Variants in ATP10A observed in about 807,000 individuals in gnomAD.
ATP10A encodes the protein phospholipid-transporting ATPase VA.
ATP10A carries 111 observed loss-of-function variants against 147.8 expected under a neutral mutation model. The observed-to-expected ratio is 0.75, with a 90% CI of 0.64 to 0.88. The LOEUF (loss-of-function observed/expected upper bound fraction) is 0.88, where lower values mean the gene tolerates loss of function less well. Ranked by LOEUF, ATP10A falls within the 40% of genes least tolerant of loss-of-function variation. The probability of loss-of-function intolerance (pLI) is 0.00; values close to 1 mark genes in which losing one functional copy is unlikely to be tolerated. For synonymous variants in ATP10A, 875 were observed against 841.6 expected, an observed-to-expected ratio of 1.04 and a Z score of -0.69; for missense variants, 1,927 against 1,959.0, an observed-to-expected ratio of 0.98 and a Z score of 0.31.
chr15:25,723,528 A>G (rs1238989894), intron 6 of ATP10A, among the ~76,000 whole-genome samples: 1 of 151,948 alleles, frequency 6.6e-6, no homozygotes, highest in Non-Finnish European at 1.5e-5. Context: ...TAATTTTAAG[A>G]TTTACAGAAA....
intron 6 of ATP10A, among the ~76,000 whole-genome samples, chr15:25,723,365 G>GA (rs11310812): frequency 1.3e-5 from 2 of 149,590 alleles, no homozygotes; most frequent in Admixed American, 6.6e-5. Flanking sequence ...AAGAAAAAGA[G>GA]AAAAAAAAAA....
intron 2 of ATP10A, among the ~76,000 whole-genome samples, chr15:25,768,787 C>T (rs2140656199): frequency 6.7e-6 from 1 of 150,354 alleles, no homozygotes; most frequent in Admixed American, 6.7e-5. Context: ...CCTTGGCCTC[C>T]CAAAGTGCTG....
intron 1 of ATP10A, among the ~76,000 whole-genome samples, chr15:25,856,490 T>C (rs1893525042): frequency 6.6e-6 from 1 of 152,220 alleles, no homozygotes; most frequent in African/African-American, 2.4e-5. Flanking sequence ...GAGTTAGCGT[T>C]AGATGTTAGT....
intron 1 of ATP10A, among the ~76,000 whole-genome samples, chr15:25,843,116 C>T (rs1203283475): frequency 2.0e-5 from 3 of 152,138 alleles, no homozygotes; most frequent in South Asian, 2.1e-4. Context: ...CAACAGTTGG[C>T]ACGAAATTAA....
At chr15:25,702,837 G>A (rs923624689) in intron 12 of ATP10A, among the ~76,000 whole-genome samples, 2 of 151,510 alleles carry the variant, frequency 1.3e-5, no homozygotes, top group African/African-American at 2.4e-5. Flanking sequence ...CTGCAGCCCT[G>A]GTCCCTAGGT....
intron 1 of ATP10A, among the ~76,000 whole-genome samples, chr15:25,812,866 G>T (rs1891492438): frequency 6.6e-6 from 1 of 152,220 alleles, no homozygotes; most frequent in African/African-American, 2.4e-5. Flanking sequence ...TGCAGTGCAG[G>T]ATTTACTCTT....
chr15:25,843,656 A>T (rs1420617243), intron 1 of ATP10A, among the ~76,000 whole-genome samples: 1 of 152,144 alleles, frequency 6.6e-6, no homozygotes, highest in Non-Finnish European at 1.5e-5. Flanking sequence ...GAGTTTATCC[A>T]GGCATCCAGA....
chr15:25,676,083 C>T (rs745521313), downstream of ATP10A, among the ~76,000 whole-genome samples: 3 of 152,212 alleles, frequency 2.0e-5, no homozygotes, highest in Admixed American at 1.3e-4. Flanking sequence ...CTCCCCTGGA[C>T]ATGGGCTCTG....
chr15:25,805,564 TCA>T (rs1891144950), intron 1 of ATP10A, among the ~76,000 whole-genome samples: 2 of 152,164 alleles, frequency 1.3e-5, no homozygotes, highest in Non-Finnish European at 2.9e-5. Context: ...CAGATAAAAG[TCA>T]CAGTCTTCAG....
chr15:25,842,776 C>T (rs1044793741), intron 1 of ATP10A, among the ~76,000 whole-genome samples: 4 of 152,028 alleles, frequency 2.6e-5, no homozygotes, highest in Non-Finnish European at 5.9e-5. Context: ...TTCAGTGGCA[C>T]AATCATAGCT....
At chr15:25,718,479 G>C in intron 7 of ATP10A, 80 bp from the exon 8 acceptor site, 1 of 1,431,224 alleles carries the variant, frequency 7.0e-7, no homozygotes, top group Non-Finnish European at 9.4e-7. Context: ...TGTGTTTTAG[G>C]TTCCGCGAGG....
chr15:25,803,820 C>T (rs1891045641), intron 1 of ATP10A, among the ~76,000 whole-genome samples: 1 of 152,228 alleles, frequency 6.6e-6, no homozygotes, highest in Non-Finnish European at 1.5e-5. Flanking sequence ...CTGAGTGTAA[C>T]CGGGAGCCGC....
intron 5 of ATP10A, among the ~76,000 whole-genome samples, chr15:25,724,362 T>C (rs11161210): frequency 2.6e-5 from 4 of 152,106 alleles, no homozygotes; most frequent in Non-Finnish European, 5.9e-5. Context: ...ACGAAATACC[T>C]GTCTCATGAA....
At chr15:25,680,423 A>G (rs971366766) in intron 19 of ATP10A, 115 bp from the exon 20 acceptor site, 8 of 1,142,752 alleles carry the variant, frequency 7.0e-6, no homozygotes, top group Non-Finnish European at 8.8e-6. Context: ...AGGCCTTCAG[A>G]CACACTGCGG....
In ATP10A at chr15:25,803,278, G is replaced by A. The variant is rs139427543; in HGVS notation, c.450-22055C>T. ...ACCTGAATGATGCTTCGCCCACTGG[G>A]CTCCTCCATTCATGCATTCATGCGT... On this transcript the variant is annotated intron_variant, in intron 1 of 20. Transcript: ENST00000555815. 3.8e-3 allele frequency among the ~76,000 whole-genome samples: 574 copies of A among 152,286 alleles called. 5 individuals carry two copies. Among genetic ancestry groups the A allele is most frequent in the African/African-American group, 0.013 (559 of 41,568 alleles).
intron 3 of ATP10A, 28 bp from the exon 4 acceptor site, chr15:25,727,294 C>T (rs774408756): frequency 7.0e-6 from 11 of 1,579,252 alleles, no homozygotes; most frequent in Admixed American, 5.0e-5. Flanking sequence ...GCACATGTCA[C>T]GTGGTTGCAG....
intron 15 of ATP10A, among the ~76,000 whole-genome samples, chr15:25,691,230 C>G (rs1900017384): frequency 6.6e-6 from 1 of 152,178 alleles, no homozygotes; most frequent in Non-Finnish European, 1.5e-5. Flanking sequence ...ATGTCTGACT[C>G]CCAGACCGAG....
Position 25,759,070 on chromosome 15 carries a change from G to A in ATP10A, c.654+21949C>T, listed in dbSNP as rs147931439. On this transcript the variant is annotated intron_variant, in intron 2 of 20. Transcript: ENST00000555815. ...CGACACAGCACCAGGGGCCACGTGC[G>A]TCAGGGATAAGAACCCCTTCCCCTC... Among the ~76,000 whole-genome samples the A allele has an allele frequency of 5.2e-3, 788 of 152,332 alleles. 3 individuals carry two copies. Among genetic ancestry groups the A allele is most frequent in the African/African-American group, 0.017 (688 of 41,578 alleles).
At chr15:25,838,409 G>A (rs1333674367) in intron 1 of ATP10A, among the ~76,000 whole-genome samples, 1 of 152,100 alleles carries the variant, frequency 6.6e-6, no homozygotes, top group African/African-American at 2.4e-5. Context: ...CAAGTGCCTT[G>A]TCTATGCCCA....
Sources: allele counts gnomAD v4.1 joint callset (sites outside exome capture counted in the v4.1 genomes callset), GRCh38; gene constraint gnomAD v4.1.1; transcripts MANE v1.5; gene names NCBI Gene and HGNC (gene_info 2026-07-23, HGNC 2026-07-21).